The following DMXL2 variants were observed in gnomAD, a reference collection of about 807,000 sequenced individuals.
DMXL2 encodes the protein dmX-like protein 2.
In DMXL2, 103 loss-of-function variants were observed where a neutral mutation model predicts 331.1. The ratio of observed to expected loss-of-function variants is 0.31; its 90% confidence interval spans 0.27 to 0.37. The LOEUF is 0.37. Among genes scored for constraint, DMXL2 ranks in the 10% least tolerant of loss-of-function variants. The pLI is 1.00. For missense variants in DMXL2, 3,171 were observed against 3,642.9 expected (o/e 0.87, Z 3.33); for synonymous variants, 1,281 against 1,252.1 (o/e 1.02, Z -0.49).
rs1314998185 is a variant in DMXL2, at chr15:51,499,767, C to T, written c.3457G>A (p.Ala1153Thr). 15 of 1,614,004 alleles carry T rather than the reference C, an allele frequency of 9.3e-6. No homozygotes were observed. The highest frequency in any genetic ancestry group is 1.2e-5 in the Non-Finnish European group (14 of 1,180,024). The change falls in exon 18 of 44, where the codon GCA (alanine) becomes ACA (threonine). Residue 1153 changes from alanine to threonine, a missense_variant. Ala to Thr is a moderately conservative substitution (Grantham distance 58). This residue lies in a region of DMXL2 where 1,674 missense variants were observed against 1,780.2 expected (regional missense o/e 0.94). Coordinates refer to ENST00000560891, the MANE Select transcript of DMXL2 (RefSeq NM_001378457.1). ...AGATATCTATCCTTGCTCAAGAGTG[C>T]ATCTGACTTGCTATACACAAACAGA... Reference protein sequence around the residue: ...SNLFVYSKSDALLSKDRYLIP... With the variant: ...SNLFVYSKSDTLLSKDRYLIP...
chr15:51,460,101 A>G, intron 33 of DMXL2: 1 of 938,658 alleles, frequency 1.1e-6, no homozygotes, highest in Non-Finnish European at 1.3e-6. Flanking sequence ...TCACTCTTAT[A>G]AGGAATATGA....
At chr15:51,506,949 T>C (rs2046441270) in intron 16 of DMXL2, among the ~76,000 whole-genome samples, 185 bp downstream of exon 16, 1 of 152,226 alleles carries the variant, frequency 6.6e-6, no homozygotes, top group African/African-American at 2.4e-5. Context: ...TTAGGCTGGT[T>C]TTTAGAATTA....
intron 13 of DMXL2, among the ~76,000 whole-genome samples, chr15:51,517,436 C>T (rs550641825): frequency 1.2e-4 from 18 of 152,228 alleles, no homozygotes; most frequent in Non-Finnish European, 2.4e-4. Context: ...AAGCCCAAGA[C>T]AGACATGGCT....
chr15:51,612,947 T>C (rs991756370), intron 1 of DMXL2, among the ~76,000 whole-genome samples: 2 of 152,238 alleles, frequency 1.3e-5, no homozygotes, highest in African/African-American at 4.8e-5. Flanking sequence ...TTCTCAGGGA[T>C]GTTCCTTGCT....
chr15:51,453,835 A>G (rs1246815632), intron 40 of DMXL2, among the ~76,000 whole-genome samples, 194 bp from the exon 41 acceptor site: 2 of 152,246 alleles, frequency 1.3e-5, no homozygotes, highest in East Asian at 1.9e-4. Context: ...CTACTGTCCA[A>G]TAATTTTTAA....
In DMXL2 at chr15:51,458,691, AATG is replaced by A. The variant is rs2039864356; in HGVS notation, c.8076+15_8076+17del. On this transcript the variant is annotated intron_variant, in intron 35 of 43. Coordinates refer to ENST00000560891, the MANE Select transcript of DMXL2 (RefSeq NM_001378457.1). Reference sequence around the variant, plus strand: ...CACTAAGGAGAAATACACTGTGTATAATGATGAGAGCTTTTACCTTATTAACAG... The same window carrying A: ...CACTAAGGAGAAATACACTGTGTATAATGAGAGCTTTTACCTTATTAACAG... The A allele has an allele frequency of 1.2e-6, 2 of 1,613,926 alleles. No individual in the cohort carries two copies. Among genetic ancestry groups the A allele is most frequent in the Non-Finnish European group, 1.7e-6 (2 of 1,179,836 alleles).
intron 15 of DMXL2, among the ~76,000 whole-genome samples, chr15:51,510,317 C>G (rs1362186936): frequency 6.6e-6 from 1 of 152,186 alleles, no homozygotes; most frequent in African/African-American, 2.4e-5. Flanking sequence ...CCAATCGTCT[C>G]AGCCCAAAAT....
At chr15:51,582,215 C>T (rs12442725) in intron 1 of DMXL2, among the ~76,000 whole-genome samples, 72,060 of 151,880 alleles carry the variant, frequency 0.47, 17,483 homozygotes, top group Non-Finnish European at 0.52. Flanking sequence ...TTAATCCCAC[C>T]TTAATATTTT....
chr15:51,617,061 G>A (rs538442196), intron 1 of DMXL2, among the ~76,000 whole-genome samples: 1 of 151,530 alleles, frequency 6.6e-6, no homozygotes, highest in South Asian at 2.1e-4. Flanking sequence ...AATTAAATTG[G>A]TCAGGCATGA....
intron 8 of DMXL2, 73 bp downstream of exon 8, chr15:51,545,510 A>G: frequency 7.4e-7 from 1 of 1,343,510 alleles, no homozygotes; most frequent in East Asian, 2.3e-5. Context: ...TGCCATCTGC[A>G]TGTTAGTTCA....
chr15:51,510,778 C>T (rs144019652), intron 15 of DMXL2, among the ~76,000 whole-genome samples: 50 of 152,228 alleles, frequency 3.3e-4, no homozygotes, highest in African/African-American at 1.1e-3. Context: ...CATCACGCTA[C>T]CTGACTTCAA....
intron 3 of DMXL2, chr15:51,567,411 A>C (rs1233078789): frequency 6.6e-6 from 1 of 152,158 alleles, no homozygotes; most frequent in Non-Finnish European, 1.5e-5. Context: ...GTACCTTTAG[A>C]TAACATTTTA....
intron 17 of DMXL2, among the ~76,000 whole-genome samples, chr15:51,500,957 C>G (rs957227205): frequency 4.6e-5 from 7 of 152,340 alleles, no homozygotes; most frequent in African/African-American, 1.7e-4. Flanking sequence ...ACTTAATCAT[C>G]TGAGCCTATT....
rs987937348 is a variant in DMXL2 at position 51,550,734 on chromosome 15, T to C, written c.568-3326A>G. On this transcript the variant is annotated intron_variant, in intron 6 of 43. Coordinates refer to ENST00000560891, the MANE Select transcript of DMXL2 (RefSeq NM_001378457.1). ...TAAACGAATAGAATTTCAGCAAACA[T>C]CTCCTAGTAAGCGAACCAGAGAAAA... 3.3e-5 allele frequency among the ~76,000 whole-genome samples: 5 copies of C among 152,120 alleles called. 1 individual carries two copies. In the South Asian group the frequency reaches 6.2e-4, roughly 19 times the overall value.
intron 33 of DMXL2, among the ~76,000 whole-genome samples, chr15:51,461,050 A>C (rs2040067504): frequency 6.6e-6 from 1 of 152,222 alleles, no homozygotes; most frequent in South Asian, 2.1e-4. Flanking sequence ...AGTACTGGAC[A>C]AGACAGTAAT....
chr15:51,520,602 A>C (rs973270345), intron 13 of DMXL2, among the ~76,000 whole-genome samples: 3 of 152,098 alleles, frequency 2.0e-5, no homozygotes, highest in Non-Finnish European at 4.4e-5. Context: ...CACACCTCTA[A>C]TCCCAGCACT....
At position 51,517,119 on chromosome 15, in the gene DMXL2, G is replaced by A; in HGVS notation, c.2485C>T (p.Arg829Ter). The A allele has an allele frequency of 1.2e-6, 2 of 1,614,014 alleles. No homozygotes were observed. Among genetic ancestry groups the A allele is most frequent in the East Asian group, 2.2e-5 (1 of 44,870 alleles). ...TCGAGTTCAATAATGCAGCCAGGTC[G>A]AGCAGTAGACTGTTGGCTCACAATA... ...FNIVSQQSTA[R>*]PGCIIELDAI... Residue 829 changes from arginine (R) to a stop codon, truncating the protein, a stop_gained, in exon 14 of 44, where the codon CGA (arginine) becomes TGA (stop). Transcript: ENST00000560891. LOFTEE classifies it high-confidence loss of function.
chr15:51,604,929 T>C lies in DMXL2; in HGVS notation c.87+17530A>G, dbSNP rs551557614. Among the ~76,000 whole-genome samples, 20 of 151,940 alleles carry C rather than the reference T, an allele frequency of 1.3e-4. 1 individual carries two copies. The highest frequency in any genetic ancestry group is 4.1e-4 in the South Asian group (2 of 4,822). ...TGCAACAGAATACAGATTCCAGAAA[T>C]AGACCCACAAAAATATAGCCAATTG... On this transcript the variant is annotated intron_variant, in intron 1 of 43. Transcript: ENST00000560891.
intron 1 of DMXL2, among the ~76,000 whole-genome samples, chr15:51,590,254 T>C (rs1202765024): frequency 2.6e-5 from 4 of 152,158 alleles, no homozygotes; most frequent in Non-Finnish European, 4.4e-5. Flanking sequence ...AATCAAGAAA[T>C]GTAGCAGGTA....
Sources: gnomAD v4.1 joint callset for allele counts (sites outside exome capture counted in the v4.1 genomes callset) on GRCh38, gnomAD v4.1.1 for gene constraint, gnomAD v4.1.1 regional missense constraint, MANE v1.5 for transcripts, NCBI Gene and HGNC (gene_info 2026-07-23, HGNC 2026-07-21) for gene names.